The following TTLL4 variants were observed in gnomAD, a reference collection of about 807,000 sequenced individuals.
The protein encoded by TTLL4 is tubulin monoglutamylase TTLL4.
Under a neutral mutation model 122.7 loss-of-function variants are expected in TTLL4, and 85 were observed. That is an observed-to-expected ratio of 0.69 (90% CI 0.58 to 0.83). TTLL4 has a LOEUF of 0.83. TTLL4 is among the 40% of genes least tolerant of loss of function. The pLI is 0.00. For missense variants in TTLL4, 1,363 were observed against 1,488.6 expected (o/e 0.92, Z 1.39); for synonymous variants, 553 against 563.0 (o/e 0.98, Z 0.25).
In TTLL4 at chr2:218,738,685, A is replaced by G. The variant is rs570407190; in HGVS notation, c.1009A>G (p.Thr337Ala). 4.3e-6 allele frequency: 7 copies of G among 1,614,204 alleles called. No individual in the cohort carries two copies. The highest frequency in any genetic ancestry group is 4.0e-5 in the African/African-American group (3 of 75,044). ...GGATCCAACTAAGGAGATTCGGTTC[A>G]CTGAGGCCGTGAGGAAATTGACCGC... ...SQDPTKEIRF[T>A]EAVRKLTARG... is the part of the protein sequence containing the mutation. The change falls in exon 3 of 20, where the codon ACT becomes GCT. Residue 337 changes from threonine (T) to alanine (A), a missense_variant. Coordinates refer to ENST00000392102, the MANE Select transcript of TTLL4 (RefSeq NM_014640.5).
At chr2:218,739,950 T>G in intron 3 of TTLL4, 108 bp from the exon 4 acceptor site, 1 of 975,636 alleles carries the variant, frequency 1.0e-6, no homozygotes, top group South Asian at 1.6e-5. Flanking sequence ...AAGTAGCAGA[T>G]TGGTAATGGA....
chr2:218,751,489 G>A, intron 15 of TTLL4: 1 of 439,442 alleles, frequency 2.3e-6, no homozygotes, highest in Non-Finnish European at 3.0e-6. Context: ...TCAACCTAAA[G>A]CTGGTGGTTT....
In TTLL4 at chr2:218,753,165, G is replaced by T. The variant is rs1265719179; in HGVS notation, c.3238G>T (p.Val1080Phe). The T allele has an allele frequency of 1.2e-6, 2 of 1,614,086 alleles. No homozygotes were observed. Among genetic ancestry groups the T allele is most frequent in the Non-Finnish European group, 1.7e-6 (2 of 1,180,042 alleles). The change falls in exon 18 of 20, where the codon GTC (valine) becomes TTC (phenylalanine). Residue 1080 changes from valine to phenylalanine, a missense_variant. By Grantham distance (50) the Val-to-Phe change is conservative. Transcript: ENST00000392102. ...WCYKGFHMGV[V>F]SDSAPVWSLP... Reference sequence around the variant, plus strand: ...CTACAAAGGGTTCCACATGGGAGTTGTCTCTGATTCTGCTCCAGTGGTGAG... The same window carrying T: ...CTACAAAGGGTTCCACATGGGAGTTTTCTCTGATTCTGCTCCAGTGGTGAG...
chr2:218,718,196 C>A (rs1350880549), intron 1 of TTLL4, among the ~76,000 whole-genome samples: 2 of 152,010 alleles, frequency 1.3e-5, no homozygotes, highest in Non-Finnish European at 2.9e-5. Context: ...GAGGGAAACA[C>A]CTAGTTGAAG....
downstream of TTLL4, among the ~76,000 whole-genome samples, chr2:218,758,416 G>A (rs920348581): frequency 6.6e-6 from 1 of 152,176 alleles, no homozygotes; most frequent in African/African-American, 2.4e-5. Flanking sequence ...CAGATTTAAA[G>A]TAGTGGATTC....
In TTLL4 at chr2:218,737,956, G is replaced by C; in HGVS notation, c.280G>C (p.Ala94Pro). The C allele has an allele frequency of 1.9e-6, 3 of 1,614,160 alleles. No individual in the cohort carries two copies. The East Asian group carries it at 6.7e-5, about 36-fold the overall frequency. ...CACTTTATGTAGCTCTGGGACCACG[G>C]CTGTCATTGCAGGCCACAGCAGTTC... Reference protein sequence around the residue: ...PSTLCSSGTTAVIAGHSSSCY... With the variant: ...PSTLCSSGTTPVIAGHSSSCY... Residue 94 changes from alanine (A) to proline (P), a missense_variant, in exon 3 of 20, where the codon GCT (alanine) becomes CCT (proline). By Grantham distance (27) the Ala-to-Pro change is conservative. This residue lies in a region of TTLL4 where 760 missense variants were observed against 808.4 expected (regional missense o/e 0.94). Transcript: ENST00000392102.
chr2:218,718,527 C>T (rs1428032640), intron 1 of TTLL4, among the ~76,000 whole-genome samples: 1 of 152,082 alleles, frequency 6.6e-6, no homozygotes, highest in Non-Finnish European at 1.5e-5. Flanking sequence ...TACAGGCATG[C>T]ACCACCATGC....
intron 2 of TTLL4, among the ~76,000 whole-genome samples, chr2:218,730,308 ATCC>A (rs372783016): frequency 4.8e-5 from 4 of 82,954 alleles, no homozygotes; most frequent in Non-Finnish European, 7.1e-5. Context: ...TTTACTAAAA[ATCC>A]AAAAAAAAAA....
chr2:218,729,538 A>G (rs992408250), intron 2 of TTLL4, among the ~76,000 whole-genome samples: 2 of 152,050 alleles, frequency 1.3e-5, no homozygotes, highest in African/African-American at 4.8e-5. Flanking sequence ...AGAAGTCCCT[A>G]TTCTTAGATA....
At chr2:218,728,835 T>A (rs1281263238) in intron 2 of TTLL4, among the ~76,000 whole-genome samples, 1 of 152,130 alleles carries the variant, frequency 6.6e-6, no homozygotes, top group African/African-American at 2.4e-5. Flanking sequence ...TTGCTTTGTT[T>A]CTGTCTGTCT....
chr2:218,713,836 G>C (rs1941782948), intron 1 of TTLL4, among the ~76,000 whole-genome samples: 1 of 152,218 alleles, frequency 6.6e-6, no homozygotes, highest in African/African-American at 2.4e-5. Context: ...CTTTATGTTT[G>C]CTCTAGTGGA....
At chr2:218,743,705 G>A (rs934505596) in intron 5 of TTLL4, among the ~76,000 whole-genome samples, 10 of 152,074 alleles carry the variant, frequency 6.6e-5, no homozygotes, top group Non-Finnish European at 1.2e-4. Flanking sequence ...TTGAGATGGA[G>A]TTTTGCTCTT....
chr2:218,757,021 C>T (rs554643296), downstream of TTLL4, among the ~76,000 whole-genome samples: 2 of 152,314 alleles, frequency 1.3e-5, no homozygotes, highest in Non-Finnish European at 2.9e-5. Flanking sequence ...TGACCTTGGG[C>T]ATGTCATCTA....
intron 13 of TTLL4, 135 bp downstream of exon 13, chr2:218,749,069 C>G: frequency 1.6e-6 from 2 of 1,246,088 alleles, no homozygotes; most frequent in Non-Finnish European, 2.3e-6. Flanking sequence ...AAGGAGTGGC[C>G]AGAGTTAAGT....
intron 2 of TTLL4, among the ~76,000 whole-genome samples, chr2:218,735,918 C>T (rs558154474): frequency 6.7e-6 from 1 of 150,300 alleles, no homozygotes; most frequent in African/African-American, 2.5e-5. Flanking sequence ...ATCCACCTGC[C>T]TTGGCCTCCC....
rs537717303 is a variant in TTLL4 at position 218,737,804 on chromosome 2, C to G, written c.128C>G (p.Pro43Arg). 1 of 1,614,242 alleles carries G rather than the reference C, an allele frequency of 6.2e-7. No homozygotes were observed. The highest frequency in any genetic ancestry group is 1.3e-5 in the African/African-American group (1 of 75,070). Reference protein sequence around the residue: ...PEKPSEGRVWPQAHQQVKPIW... With the variant: ...PEKPSEGRVWRQAHQQVKPIW... ...AAACCCTCGGAGGGCAGAGTCTGGC[C>G]TCAGGCCCATCAGCAAGTGAAGCCA... The change falls in exon 3 of 20, where the codon CCT becomes CGT. Residue 43 changes from proline (P) to arginine (R), a missense_variant. Physicochemically the swap from Pro to Arg is moderately radical, Grantham distance 103. Around this residue, in one of 3 missense-constraint regions of TTLL4, gnomAD observed 760 missense variants for 808.4 expected, o/e 0.94. Transcript: ENST00000392102.
intron 7 of TTLL4, 157 bp from the exon 8 acceptor site, chr2:218,745,998 G>A (rs893826358): frequency 6.2e-5 from 57 of 923,902 alleles, no homozygotes; most frequent in Non-Finnish European, 9.4e-5. Flanking sequence ...GAGGGCCATT[G>A]TTCTGTCCCT....
At chr2:218,746,004 TC>T (rs1942832730) in intron 7 of TTLL4, 150 bp from the exon 8 acceptor site, 2 of 949,950 alleles carry the variant, frequency 2.1e-6, no homozygotes. Context: ...CATTGTTCTG[TC>T]CCTGGCCCCA....
intron 1 of TTLL4, among the ~76,000 whole-genome samples, chr2:218,714,357 C>T (rs971554609): frequency 6.6e-6 from 1 of 152,192 alleles, no homozygotes; most frequent in Non-Finnish European, 1.5e-5. Flanking sequence ...ATCTGATACT[C>T]ATGTTTTGGA....
Sources: gnomAD v4.1 joint callset for allele counts (sites outside exome capture counted in the v4.1 genomes callset) on GRCh38, gnomAD v4.1.1 for gene constraint, gnomAD v4.1.1 regional missense constraint, MANE v1.5 for transcripts, NCBI Gene and HGNC (gene_info 2026-07-23, HGNC 2026-07-21) for gene names.